The following ACSM2B variants were observed in gnomAD, a reference collection of about 807,000 sequenced individuals.
The protein encoded by ACSM2B is acyl-CoA synthetase medium chain family member 2B, also known as acyl-coenzyme A synthetase ACSM2B, mitochondrial.
Under a neutral mutation model 78.6 loss-of-function variants are expected in ACSM2B, and 58 were observed. The observed-to-expected ratio is 0.74, with a 90% confidence interval of 0.60 to 0.92. The LOEUF (loss-of-function observed/expected upper bound fraction) is 0.92. Among genes scored for constraint, ACSM2B ranks in the 40% least tolerant of loss-of-function variants. ACSM2B has a pLI of 0.00. For synonymous variants in ACSM2B, 257 were observed against 256.8 expected (o/e 1.00, Z -0.01); for missense variants, 688 against 711.2 (o/e 0.97, Z 0.37).
At chr16:20,562,206 C>A (rs890683962) in intron 2 of ACSM2B, among the ~76,000 whole-genome samples, 4 of 151,764 alleles carry the variant, frequency 2.6e-5, no homozygotes, top group African/African-American at 9.7e-5. Context: ...TATTGCTTTC[C>A]ATAATAGCTG....
At chr16:20,560,005 T>G (rs2015603984) in intron 2 of ACSM2B, among the ~76,000 whole-genome samples, 1 of 151,098 alleles carries the variant, frequency 6.6e-6, no homozygotes, top group Non-Finnish European at 1.5e-5. Context: ...TTTAATTTTG[T>G]GGTAAAAATA....
At chr16:20,557,666 G>A (rs1336787014) in intron 3 of ACSM2B, among the ~76,000 whole-genome samples, 1 of 152,104 alleles carries the variant, frequency 6.6e-6, no homozygotes, top group East Asian at 1.9e-4. Context: ...CTCTTACCAT[G>A]GACCACAAGG....
chr16:20,556,690 A>G (rs181851012), intron 3 of ACSM2B, among the ~76,000 whole-genome samples: 1 of 152,308 alleles, frequency 6.6e-6, no homozygotes, highest in East Asian at 1.9e-4. Flanking sequence ...CCTGTTAAAT[A>G]GCTTTTAACC....
chr16:20,538,171 T>A lies in ACSM2B; in HGVS notation c.1630-809A>T, dbSNP rs1385029819. Among the ~76,000 whole-genome samples, 6 of 152,298 alleles carry A rather than the reference T, an allele frequency of 3.9e-5. No homozygotes were observed. The East Asian group carries it at 9.6e-4, about 24-fold the overall frequency. On this transcript the variant is annotated intron_variant, in intron 13 of 13. Coordinates refer to ENST00000329697, the MANE Select transcript of ACSM2B (RefSeq NM_001105069.2). ...ATTAACTTTAATTTAATAATAGGGA[T>A]ACTGAGATGGAGAAAGTATCTTCTT...
intron 3 of ACSM2B, among the ~76,000 whole-genome samples, chr16:20,556,918 A>C (rs2015491550): frequency 6.6e-6 from 1 of 151,914 alleles, no homozygotes; most frequent in Non-Finnish European, 1.5e-5. Context: ...AAGTTCCTGC[A>C]ATTGGTTTGG....
chr16:20,575,818 T>A (rs1567224054), intron 1 of ACSM2B: 1 of 151,198 alleles, frequency 6.6e-6, no homozygotes, highest in Non-Finnish European at 1.5e-5. Context: ...GGAATAAGAA[T>A]TGAAGATTAC....
chr16:20,559,119 G>A (rs777047899), intron 3 of ACSM2B, 118 bp downstream of exon 3: 3 of 1,454,924 alleles, frequency 2.1e-6, no homozygotes, highest in Non-Finnish European at 2.7e-6. Context: ...TTCTTCATAT[G>A]AGAGAGGACA....
rs1231734109 is a variant in ACSM2B at position 20,567,475 on chromosome 16, A to G, written c.-8-2622T>C. Among the ~76,000 whole-genome samples, 4 of 112,372 alleles carry G rather than the reference A, an allele frequency of 3.6e-5. No individual in the cohort carries two copies. The Admixed American group carries it at 4.4e-4, about 12-fold the overall frequency. The allele number at this position is 112,372 out of a possible 152,430, so 73.7% of individuals were successfully genotyped here. On this transcript the variant is annotated intron_variant, in intron 1 of 13. Transcript: ENST00000329697. The stretch of plus-strand genomic sequence containing the variant: ...TTATTATATAACATATAATAATAGT[A>G]TAACAGTATATATAAATAATATATA...
chr16:20,557,252 T>A (rs1450427127), intron 3 of ACSM2B, among the ~76,000 whole-genome samples: 2 of 152,216 alleles, frequency 1.3e-5, no homozygotes, highest in Non-Finnish European at 2.9e-5. Flanking sequence ...GGACTCAACA[T>A]GCCCAAATTG....
intron 13 of ACSM2B, among the ~76,000 whole-genome samples, chr16:20,538,301 C>G (rs559511931): frequency 6.6e-6 from 1 of 152,158 alleles, no homozygotes; most frequent in Non-Finnish European, 1.5e-5. Flanking sequence ...CTATGGCCCG[C>G]AGGCAAAATA....
intron 1 of ACSM2B, among the ~76,000 whole-genome samples, chr16:20,566,718 G>GTATATATATACTA (rs1555459397): frequency 2.0e-4 from 1 of 5,014 alleles, no homozygotes; most frequent in Non-Finnish European, 3.6e-4. Flanking sequence ...AGTATATATA[G>GTATATATATACTA]TATATACTAT....
intron 12 of ACSM2B, chr16:20,540,997 G>A: frequency 2.2e-6 from 1 of 459,224 alleles, no homozygotes; most frequent in East Asian, 3.9e-5. Flanking sequence ...TTGAGACCAG[G>A]CTCACCTCAT....
chr16:20,542,868 C>T (rs2015034806), intron 12 of ACSM2B, 46 bp downstream of exon 12: 2 of 1,609,898 alleles, frequency 1.2e-6, no homozygotes, highest in Non-Finnish European at 8.5e-7. Flanking sequence ...CTACACTGCC[C>T]TTGTGTTCAT....
At chr16:20,549,195 C>T (rs907145335) in intron 6 of ACSM2B, among the ~76,000 whole-genome samples, 1 of 152,172 alleles carries the variant, frequency 6.6e-6, no homozygotes, top group South Asian at 2.1e-4. Flanking sequence ...ACACCATCTC[C>T]ATCCCATGCT....
At chr16:20,558,712 A>G (rs376835077) in intron 3 of ACSM2B, among the ~76,000 whole-genome samples, 13 of 152,202 alleles carry the variant, frequency 8.5e-5, no homozygotes, top group African/African-American at 2.7e-4. Flanking sequence ...TTTTCTGCAA[A>G]GAGCCAAATA....
intron 2 of ACSM2B, among the ~76,000 whole-genome samples, chr16:20,560,863 A>G (rs2015631954): frequency 6.6e-6 from 1 of 152,074 alleles, no homozygotes; most frequent in South Asian, 2.1e-4. Context: ...CCAGATTTCA[A>G]ATGGAAATAA....
intron 2 of ACSM2B, among the ~76,000 whole-genome samples, chr16:20,559,731 A>G (rs1358260598): frequency 6.6e-6 from 1 of 151,062 alleles, no homozygotes; most frequent in Non-Finnish European, 1.5e-5. Context: ...ATTTTTTTAT[A>G]ATGATAAAGT....
chr16:20,569,981 G>A (rs949022638), intron 1 of ACSM2B, among the ~76,000 whole-genome samples: 4 of 151,752 alleles, frequency 2.6e-5, no homozygotes, highest in African/African-American at 9.7e-5. Context: ...AGGTCTTCTA[G>A]GTATACAATC....
rs115437938 is a variant in ACSM2B at position 20,558,896 on chromosome 16, T to A, written c.388+341A>T. ...GCAGGATTTGGCCTGCAGGTCACAG[T>A]CTACCAAATTTATTTGTATAGATTT... is the stretch of plus-strand genomic sequence containing the variant. On this transcript the variant is annotated intron_variant, in intron 3 of 13. Coordinates refer to ENST00000329697, the MANE Select transcript of ACSM2B (RefSeq NM_001105069.2). Among the ~76,000 whole-genome samples, 1,386 of 152,320 alleles carry A rather than the reference T, an allele frequency of 9.1e-3. 20 individuals carry two copies. Among genetic ancestry groups the A allele is most frequent in the African/African-American group, 0.031 (1,275 of 41,558 alleles).
Sources: gnomAD v4.1 joint callset for allele counts (sites outside exome capture counted in the v4.1 genomes callset) on GRCh38, gnomAD v4.1.1 for gene constraint, MANE v1.5 for transcripts, NCBI Gene and HGNC (gene_info 2026-07-23, HGNC 2026-07-21) for gene names.